FOCAD: variants seen among roughly 807,000 people sequenced by gnomAD.
FOCAD encodes KIAA1797.
Under a neutral mutation model 225.6 loss-of-function variants are expected in FOCAD, and 198 were observed. The ratio of observed to expected loss-of-function variants is 0.88; its 90% confidence interval spans 0.78 to 0.99. The LOEUF is 0.99. FOCAD is among the 50% of genes least tolerant of loss of function. The pLI, the probability that FOCAD is intolerant of heterozygous loss-of-function variation, is 0.00. For missense variants in FOCAD, 2,713 were observed against 2,123.6 expected, an observed-to-expected ratio of 1.28 and a Z score of -5.46; for synonymous variants, 897 against 755.0, an observed-to-expected ratio of 1.19 and a Z score of -3.08.
chr9:20,661,270 C>T (rs1265671854), intron 2 of FOCAD, among the ~76,000 whole-genome samples: 2 of 152,078 alleles, frequency 1.3e-5, no homozygotes, highest in Non-Finnish European at 2.9e-5. Context: ...ATGAAGGGCT[C>T]AATAGACAGG....
In FOCAD at chr9:20,953,223, C is replaced by T. The variant is rs1837841806; in HGVS notation, c.4132+158C>T. 3.3e-5 allele frequency among the ~76,000 whole-genome samples: 5 copies of T among 152,200 alleles called. No homozygotes were observed. In the South Asian group the frequency reaches 1.0e-3, roughly 31 times the overall value. Reference sequence around the variant, plus strand: ...CCATCTTTGCAATAGAGATGACCAGCAGCTAGCTACAATAATTGGTACGTA... The same window carrying T: ...CCATCTTTGCAATAGAGATGACCAGTAGCTAGCTACAATAATTGGTACGTA... On this transcript the variant is annotated intron_variant, in intron 35 of 43. Coordinates refer to ENST00000338382, the MANE Select transcript of FOCAD (RefSeq NM_001375567.1).
intron 26 of FOCAD, among the ~76,000 whole-genome samples, chr9:20,928,163 T>C (rs1480331557): frequency 1.3e-5 from 2 of 152,180 alleles, no homozygotes; most frequent in Non-Finnish European, 2.9e-5. Context: ...AAATTTCTCA[T>C]ATGCTGCTTA....
chr9:20,965,588 A>T (rs972508040), intron 35 of FOCAD, among the ~76,000 whole-genome samples: 1 of 152,044 alleles, frequency 6.6e-6, no homozygotes, highest in Non-Finnish European at 1.5e-5. Context: ...TTTCTGTGGC[A>T]TTTAGTGCAT....
intron 11 of FOCAD, among the ~76,000 whole-genome samples, chr9:20,812,167 A>G (rs1236111764): frequency 1.3e-5 from 2 of 152,124 alleles, no homozygotes; most frequent in African/African-American, 4.8e-5. Context: ...AAAAGTTAAA[A>G]GCAGACACTG....
intron 7 of FOCAD, among the ~76,000 whole-genome samples, chr9:20,767,235 T>C (rs1342839171): frequency 6.6e-6 from 1 of 151,436 alleles, no homozygotes; most frequent in Non-Finnish European, 1.5e-5. Flanking sequence ...TTTTGGACAT[T>C]TGGGTTGGTT....
At chr9:20,949,240 CTCCATTTTGCATCTTAATGTCTG>C (rs1201283556) in intron 32 of FOCAD, among the ~76,000 whole-genome samples, 2 of 152,282 alleles carry the variant, frequency 1.3e-5, no homozygotes, top group East Asian at 3.8e-4. Context: ...TTGCAAGAAA[CTCCATTTTGCATCTTAATGTCTG>C]ATATATGTCT....
At chr9:20,693,429 T>C (rs1823097821) in intron 1 of FOCAD, among the ~76,000 whole-genome samples, 1 of 152,340 alleles carries the variant, frequency 6.6e-6, no homozygotes, top group African/African-American at 2.4e-5. Flanking sequence ...ATAGCACTTA[T>C]CTTCAGAAAT....
chr9:20,807,458 G>A (rs556810228), intron 11 of FOCAD, among the ~76,000 whole-genome samples: 1 of 152,240 alleles, frequency 6.6e-6, no homozygotes, highest in Non-Finnish European at 1.5e-5. Flanking sequence ...ACATTAAAAA[G>A]TGAACACAAA....
Position 20,916,956 on chromosome 9 carries a change from T to C in FOCAD, c.2852+19T>C. ...CTGCAAAGTAAGATCCATTTAGTCT[T>C]TTATCAAACATTTTTTATAAATACC... On this transcript the variant is annotated intron_variant, in intron 24 of 43. Coordinates refer to ENST00000338382, the MANE Select transcript of FOCAD (RefSeq NM_001375567.1). 6.3e-7 allele frequency: 1 copy of C among 1,587,528 alleles called. No homozygotes were observed. The highest frequency in any genetic ancestry group is 8.6e-7 in the Non-Finnish European group (1 of 1,167,920).
intron 4 of FOCAD, among the ~76,000 whole-genome samples, chr9:20,731,168 G>C (rs1156767212): frequency 6.6e-6 from 1 of 152,180 alleles, no homozygotes; most frequent in Non-Finnish European, 1.5e-5. Flanking sequence ...AACCCAGGAG[G>C]TGGAGGTTGC....
chr9:20,830,799 C>G (rs780067478), intron 15 of FOCAD, among the ~76,000 whole-genome samples: 2 of 151,930 alleles, frequency 1.3e-5, no homozygotes, highest in Admixed American at 6.6e-5. Flanking sequence ...ACCTTAGACT[C>G]CTGAGTAGCT....
At chr9:20,972,393 G>A (rs959599575) in intron 35 of FOCAD, among the ~76,000 whole-genome samples, 3 of 152,032 alleles carry the variant, frequency 2.0e-5, no homozygotes, top group Non-Finnish European at 4.4e-5. Flanking sequence ...TTTTCCTTCT[G>A]ATTAGTGATA....
intron 23 of FOCAD, among the ~76,000 whole-genome samples, chr9:20,915,880 C>A (rs1833827010): frequency 6.6e-6 from 1 of 152,050 alleles, no homozygotes; most frequent in African/African-American, 2.4e-5. Context: ...GTAAATATTC[C>A]ACACTGACCA....
At chr9:20,750,669 G>A (rs907494113) in intron 5 of FOCAD, among the ~76,000 whole-genome samples, 6 of 152,088 alleles carry the variant, frequency 3.9e-5, no homozygotes, top group Non-Finnish European at 8.8e-5. Flanking sequence ...GGCTATCTCA[G>A]GAGTTAGGAA....
intron 5 of FOCAD, among the ~76,000 whole-genome samples, chr9:20,745,471 A>G (rs1226898612): frequency 6.6e-6 from 1 of 152,230 alleles, no homozygotes; most frequent in African/African-American, 2.4e-5. Context: ...TGCAGGGAAG[A>G]ATAAATAAAT....
chr9:20,846,189 C>T (rs548896471), intron 15 of FOCAD, among the ~76,000 whole-genome samples: 1 of 152,152 alleles, frequency 6.6e-6, no homozygotes, highest in African/African-American at 2.4e-5. Flanking sequence ...TGTGGCTACA[C>T]TTAGGTTTCT....
At chr9:20,688,712 G>A (rs1033312368) in intron 1 of FOCAD, among the ~76,000 whole-genome samples, 2 of 152,322 alleles carry the variant, frequency 1.3e-5, no homozygotes, top group African/African-American at 4.8e-5. Flanking sequence ...AGAAGGAACA[G>A]CCTAATGACA....
chr9:20,892,485 A>G (rs1831699512), intron 21 of FOCAD, among the ~76,000 whole-genome samples: 1 of 152,150 alleles, frequency 6.6e-6, no homozygotes, highest in Non-Finnish European at 1.5e-5. Flanking sequence ...GCCCTCTTGG[A>G]TGACCTTGAG....
intron 18 of FOCAD, among the ~76,000 whole-genome samples, chr9:20,871,611 C>G (rs1211610915): frequency 6.6e-6 from 1 of 150,484 alleles, no homozygotes; most frequent in African/African-American, 2.4e-5. Context: ...CTCATGTAAC[C>G]AAACACCACC....
Sources: gnomAD v4.1 joint callset for allele counts (sites outside exome capture counted in the v4.1 genomes callset) on GRCh38, gnomAD v4.1.1 for gene constraint, MANE v1.5 for transcripts, NCBI Gene and HGNC (gene_info 2026-07-23, HGNC 2026-07-21) for gene names.